Variants in PLCE1 observed in about 807,000 individuals in gnomAD.
The protein encoded by PLCE1 is 1-phosphatidylinositol 4,5-bisphosphate phosphodiesterase epsilon-1.
In PLCE1, 119 loss-of-function variants were observed where a neutral mutation model predicts 242.8. The ratio of observed to expected loss-of-function variants is 0.49; its 90% CI spans 0.42 to 0.57. The LOEUF is 0.57. Ranked by LOEUF, PLCE1 falls within the 20% of genes least tolerant of loss-of-function variation. The pLI is 0.00. For missense variants in PLCE1, 2,441 were observed against 2,788.8 expected (o/e 0.88, Z 2.81); for synonymous variants, 945 against 1,017.4 (o/e 0.93, Z 1.35).
intron 24 of PLCE1, among the ~76,000 whole-genome samples, chr10:94,299,192 A>G (rs760781494): frequency 5.9e-5 from 9 of 152,248 alleles, no homozygotes; most frequent in Non-Finnish European, 1.2e-4. Flanking sequence ...CAGAGTAAGT[A>G]GTGATCATGT....
Position 94,309,020 on chromosome 10 carries a change from A to G in PLCE1, c.6003+321A>G, listed in dbSNP as rs1053195062. 3.3e-5 allele frequency among the ~76,000 whole-genome samples: 5 copies of G among 152,350 alleles called. No homozygotes were observed. In the South Asian group the frequency reaches 8.3e-4, roughly 25 times the overall value. On this transcript the variant is annotated intron_variant, in intron 27 of 32. Coordinates refer to ENST00000371380, the MANE Select transcript of PLCE1 (RefSeq NM_016341.4). ...CCCAAGTTCCAGTAACAAAGCCCAT[A>G]TATTACAGTGTCTATCAGGGAAGTA...
At chr10:94,321,771 A>G (rs2053813412) in intron 29 of PLCE1, 130 bp from the exon 30 acceptor site, 1 of 674,368 alleles carries the variant, frequency 1.5e-6, no homozygotes, top group Non-Finnish European at 2.6e-6. Flanking sequence ...AAATAATAAC[A>G]TAGTATATGA....
intron 2 of PLCE1, among the ~76,000 whole-genome samples, chr10:94,044,232 C>A (rs746579648): frequency 2.0e-5 from 3 of 152,164 alleles, no homozygotes; most frequent in Non-Finnish European, 2.9e-5. Context: ...GATTTAAACT[C>A]CAGGTCTTGC....
chr10:94,205,240 A>G (rs1042664780), intron 4 of PLCE1, among the ~76,000 whole-genome samples: 2 of 152,158 alleles, frequency 1.3e-5, no homozygotes, highest in African/African-American at 2.4e-5. Context: ...TCACCTGTCT[A>G]CCTGCAGAGA....
At chr10:93,994,618 G>T (rs1408125734) in intron 1 of PLCE1, among the ~76,000 whole-genome samples, 2 of 152,250 alleles carry the variant, frequency 1.3e-5, no homozygotes, top group Admixed American at 1.3e-4. Flanking sequence ...ATTGTTCCTG[G>T]AGAGATTTGT....
chr10:94,036,343 A>C (rs1409581046), intron 2 of PLCE1, among the ~76,000 whole-genome samples: 1 of 152,178 alleles, frequency 6.6e-6, no homozygotes, highest in African/African-American at 2.4e-5. Context: ...CATGTTTCTC[A>C]ATCTATAATG....
At chr10:94,046,111 A>G (rs1481888381) in intron 2 of PLCE1, among the ~76,000 whole-genome samples, 1 of 152,116 alleles carries the variant, frequency 6.6e-6, no homozygotes, top group Non-Finnish European at 1.5e-5. Flanking sequence ...AACATTGTCA[A>G]TTCTTTAAGT....
chr10:94,279,061 C>G (rs1014719322), intron 19 of PLCE1, among the ~76,000 whole-genome samples: 2 of 152,046 alleles, frequency 1.3e-5, no homozygotes, highest in Non-Finnish European at 2.9e-5. Context: ...GTTCCTCTAC[C>G]CCGTTTAGAT....
chr10:94,114,616 A>G (rs2046060105), intron 2 of PLCE1, among the ~76,000 whole-genome samples: 1 of 152,090 alleles, frequency 6.6e-6, no homozygotes, highest in African/African-American at 2.4e-5. Context: ...AGCATTTCCT[A>G]CTATTATAAT....
intron 1 of PLCE1, among the ~76,000 whole-genome samples, chr10:94,003,194 ACTGTTTTATTTTACTC>A (rs1468551906): frequency 6.6e-6 from 1 of 152,208 alleles, no homozygotes. Flanking sequence ...AAGATAATAG[ACTGTTTTATTTTACTC>A]CTGATTTTAA....
chr10:94,315,491 T>C (rs930951148), intron 28 of PLCE1: 5 of 455,826 alleles, frequency 1.1e-5, no homozygotes, highest in African/African-American at 6.0e-5. Context: ...AGAAAATACA[T>C]TGGTAAAACT....
At chr10:94,004,123 G>A (rs1437666614) in intron 1 of PLCE1, among the ~76,000 whole-genome samples, 1 of 151,940 alleles carries the variant, frequency 6.6e-6, no homozygotes, top group Non-Finnish European at 1.5e-5. Flanking sequence ...TCCAGCGTGG[G>A]TGACAGAGCG....
Position 94,246,205 on chromosome 10 carries a change from G to T in PLCE1, c.2680G>T (p.Val894Leu). Residue 894 changes from valine to leucine, a missense_variant, in exon 8 of 33, where the codon GTA becomes TTA. Val to Leu is a conservative substitution (Grantham distance 32). Transcript: ENST00000371380. ...GCCCGACAATAGCACCTTGACCTGG[G>T]TAAAGCCCACAACTGCCTCCCCAGC... Reference protein sequence around the residue: ...LQPDNSTLTWVKPTTASPASS... With the variant: ...LQPDNSTLTWLKPTTASPASS... 9 of 1,614,070 alleles carry T rather than the reference G, an allele frequency of 5.6e-6. No homozygotes were observed. The highest frequency in any genetic ancestry group is 7.6e-6 in the Non-Finnish European group (9 of 1,180,000).
intron 4 of PLCE1, among the ~76,000 whole-genome samples, chr10:94,171,939 C>A (rs1049291909): frequency 1.3e-5 from 2 of 152,156 alleles, no homozygotes; most frequent in African/African-American, 4.8e-5. Context: ...GCAGAAACAC[C>A]TAGGTCACCA....
At chr10:94,046,205 A>T (rs1301397585) in intron 2 of PLCE1, among the ~76,000 whole-genome samples, 1 of 152,040 alleles carries the variant, frequency 6.6e-6, no homozygotes, top group Non-Finnish European at 1.5e-5. Context: ...TCCATCCTTC[A>T]CTTGGCAGGT....
intron 3 of PLCE1, among the ~76,000 whole-genome samples, chr10:94,164,482 T>C (rs916128813): frequency 7.9e-5 from 12 of 152,246 alleles, no homozygotes; most frequent in African/African-American, 2.9e-4. Context: ...GTAGTTCTCG[T>C]GCCATAGTTT....
At chr10:94,089,988 T>A (rs1589992689) in intron 2 of PLCE1, among the ~76,000 whole-genome samples, 1 of 152,188 alleles carries the variant, frequency 6.6e-6, no homozygotes, top group Non-Finnish European at 1.5e-5. Context: ...ATATGCTTTT[T>A]AAAAAATTTT....
In PLCE1 at chr10:94,186,671, A is replaced by T. The variant is rs185084150; in HGVS notation, c.1809+15175A>T. 9.2e-5 allele frequency among the ~76,000 whole-genome samples: 14 copies of T among 152,336 alleles called. No individual in the cohort carries two copies. The East Asian group carries it at 2.7e-3, about 29-fold the overall frequency. On this transcript the variant is annotated intron_variant, in intron 4 of 32. Coordinates refer to ENST00000371380, the MANE Select transcript of PLCE1 (RefSeq NM_016341.4). ...CCTAACAGAACATTTTTTCAACTGG[A>T]TGTGAATCTCCTTAACTCTACAATC...
chr10:94,211,964 G>GA (rs888546950), intron 4 of PLCE1, among the ~76,000 whole-genome samples: 7 of 150,858 alleles, frequency 4.6e-5, no homozygotes, highest in Middle Eastern at 3.4e-3. Flanking sequence ...ATGTTCCTTT[G>GA]AAAAAAAAAT....
Sources: allele counts gnomAD v4.1 joint callset (sites outside exome capture counted in the v4.1 genomes callset), GRCh38; gene constraint gnomAD v4.1.1; transcripts MANE v1.5; gene names NCBI Gene and HGNC (gene_info 2026-07-23, HGNC 2026-07-21).